The following PRKN variants were observed in gnomAD, a reference collection of about 807,000 sequenced individuals.
The protein encoded by PRKN is parkin RBR E3 ubiquitin protein ligase.
In PRKN, 56 loss-of-function variants were observed where a neutral mutation model predicts 59.5. The observed-to-expected ratio is 0.94, with a 90% confidence interval of 0.76 to 1.18. PRKN has a LOEUF of 1.18. PRKN is among the 50% of genes most tolerant of loss of function. The pLI is 0.00. For missense variants in PRKN, 657 were observed against 596.4 expected, an observed-to-expected ratio of 1.10 and a Z score of -1.06; for synonymous variants, 250 against 222.1, an observed-to-expected ratio of 1.13 and a Z score of -1.12.
intron 7 of PRKN, among the ~76,000 whole-genome samples, chr6:161,763,582 G>C (rs909034275): frequency 6.6e-6 from 1 of 152,100 alleles, no homozygotes; most frequent in African/African-American, 2.4e-5. Context: ...TTCTGTCTCT[G>C]TTTCTTGCAC....
intron 2 of PRKN, among the ~76,000 whole-genome samples, chr6:162,433,146 A>G (rs1014276638): frequency 1.3e-5 from 2 of 152,230 alleles, no homozygotes; most frequent in African/African-American, 2.4e-5. Flanking sequence ...TTCTTTGTGA[A>G]TTATTCATCA....
rs1789937852 is a variant in PRKN, at chr6:162,439,333, C to T, written c.171+3977G>A. Among the ~76,000 whole-genome samples, 3 of 120,086 alleles carry T rather than the reference C, an allele frequency of 2.5e-5. No homozygotes were observed. In the South Asian group the frequency reaches 8.5e-4, roughly 34 times the overall value. The allele number at this position is 120,086 out of a possible 152,430, so 78.8% of individuals were successfully genotyped here. A position where few individuals can be genotyped will look rare whatever the true frequency, so the allele number is the denominator to read the frequency against. On this transcript the variant is annotated intron_variant, in intron 2 of 11. Transcript: ENST00000366898. ...TCCCTTCCCTTCCCCCTTCCTTTAC[C>T]CCTCCCTTCTCTCTCTCTCTCTCTC... is the stretch of plus-strand genomic sequence containing the variant.
chr6:162,322,639 C>A (rs1583377335), intron 2 of PRKN, among the ~76,000 whole-genome samples: 1 of 151,942 alleles, frequency 6.6e-6, no homozygotes, highest in Admixed American at 6.5e-5. Context: ...ATATGTTGAC[C>A]ATTGAGCTTT....
rs1790064911 is a variant in PRKN at position 161,458,391 on chromosome 6, A to G, written c.1084-71514T>C. 6.6e-6 allele frequency among the ~76,000 whole-genome samples: 1 copy of G among 152,226 alleles called. No homozygotes were observed. Among genetic ancestry groups the G allele is most frequent in the African/African-American group, 2.4e-5 (1 of 41,472 alleles). Reference sequence around the variant, plus strand: ...GATCGACCATAAGTGCAGCTGATGCAAACCTGGAAGCCGTTATCACAGCTC... The same window carrying G: ...GATCGACCATAAGTGCAGCTGATGCGAACCTGGAAGCCGTTATCACAGCTC... On this transcript the variant is annotated intron_variant, in intron 9 of 11. Coordinates refer to ENST00000366898, the MANE Select transcript of PRKN (RefSeq NM_004562.3). The surrounding 1 kb of genome is among the most constrained non-coding windows in gnomAD (Gnocchi z 6.1).
intron 1 of PRKN, among the ~76,000 whole-genome samples, chr6:162,520,932 T>C (rs1031516437): frequency 3.8e-4 from 58 of 152,214 alleles, no homozygotes; most frequent in African/African-American, 1.3e-3. Flanking sequence ...TAAATTGTTC[T>C]TAACTTCTGA....
chr6:162,089,565 T>C (rs900981110), intron 4 of PRKN, among the ~76,000 whole-genome samples: 4 of 152,172 alleles, frequency 2.6e-5, no homozygotes, highest in Admixed American at 6.5e-5. Flanking sequence ...AGAAAATGTA[T>C]GTCCATATAA....
At chr6:162,041,412 A>G (rs1376806502) in intron 5 of PRKN, among the ~76,000 whole-genome samples, 1 of 152,178 alleles carries the variant, frequency 6.6e-6, no homozygotes, top group East Asian at 1.9e-4. Context: ...TTTAGCCACA[A>G]AGCACTATTT....
At chr6:161,509,986 A>C (rs879539484) in intron 9 of PRKN, among the ~76,000 whole-genome samples, 6 of 152,114 alleles carry the variant, frequency 3.9e-5, no homozygotes, top group African/African-American at 9.7e-5. Flanking sequence ...GTGTGGGCTC[A>C]AAAAGGTGCA....
chr6:162,055,544 G>T (rs151091087), intron 4 of PRKN, among the ~76,000 whole-genome samples: 4,881 of 152,252 alleles, frequency 0.032, 106 homozygotes, highest in Non-Finnish European at 0.049. Context: ...GGCCACGGGA[G>T]GGGCGGAGTA....
At chr6:162,013,438 G>A (rs112310355) in intron 5 of PRKN, among the ~76,000 whole-genome samples, 194 of 151,716 alleles carry the variant, frequency 1.3e-3, no homozygotes, top group African/African-American at 4.5e-3. Flanking sequence ...ATTTCTATGA[G>A]GAGCCCTAGT....
chr6:161,879,843 A>C (rs990408720), intron 6 of PRKN, among the ~76,000 whole-genome samples: 3 of 152,198 alleles, frequency 2.0e-5, no homozygotes, highest in Admixed American at 2.0e-4. Context: ...ACATAATTAC[A>C]GTGTATTTTA....
chr6:162,548,044 T>G (rs1487751732), intron 1 of PRKN, among the ~76,000 whole-genome samples: 1 of 139,178 alleles, frequency 7.2e-6, no homozygotes, highest in Non-Finnish European at 1.6e-5. Flanking sequence ...CCCTACTTCC[T>G]CTCTGAGTTT....
intron 1 of PRKN, among the ~76,000 whole-genome samples, chr6:162,692,283 T>C (rs147115644): frequency 2.7e-3 from 413 of 152,200 alleles, no homozygotes; most frequent in Non-Finnish European, 4.9e-3. Flanking sequence ...GTCTTGAGGT[T>C]TTCAAACCAC....
intron 1 of PRKN, among the ~76,000 whole-genome samples, chr6:162,686,238 T>G (rs1477429077): frequency 6.6e-5 from 10 of 152,092 alleles, no homozygotes; most frequent in Admixed American, 6.6e-4. Flanking sequence ...AGCTGAAAAC[T>G]TAAAGGGTCA....
At chr6:162,650,352 C>T (rs1006147630) in intron 1 of PRKN, among the ~76,000 whole-genome samples, 4 of 151,960 alleles carry the variant, frequency 2.6e-5, no homozygotes, top group African/African-American at 9.7e-5. Flanking sequence ...AATCCCAGCA[C>T]TTTGGGAGGC....
chr6:162,153,808 A>C (rs2187199), intron 4 of PRKN, among the ~76,000 whole-genome samples: 1 of 151,976 alleles, frequency 6.6e-6, no homozygotes, highest in Non-Finnish European at 1.5e-5. Flanking sequence ...AAGCCAATTC[A>C]CCTCTCCCCA....
At chr6:162,303,869 G>A (rs769729539) in intron 2 of PRKN, among the ~76,000 whole-genome samples, 6 of 152,226 alleles carry the variant, frequency 3.9e-5, no homozygotes, top group Admixed American at 6.5e-5. Context: ...GATGGAGGTA[G>A]TGGAGGGCCA....
At chr6:162,664,249 T>G (rs1289368097) in intron 1 of PRKN, among the ~76,000 whole-genome samples, 1 of 152,198 alleles carries the variant, frequency 6.6e-6, no homozygotes, top group Non-Finnish European at 1.5e-5. Context: ...CTGCATAGTA[T>G]TCCATGGTGT....
In PRKN at chr6:161,503,802, G is replaced by A. The variant is rs769429548; in HGVS notation, c.1083+45052C>T. 4.6e-5 allele frequency among the ~76,000 whole-genome samples: 7 copies of A among 152,190 alleles called. No homozygotes were observed. Among genetic ancestry groups the A allele is most frequent in the Non-Finnish European group, 1.0e-4 (7 of 68,034 alleles). ...AAAGTCAGATGTGAGCATTCTTTTAGAATCCACTGTGAGGAAAAGCCTGCT... is the reference window on the plus strand; with the variant it reads ...AAAGTCAGATGTGAGCATTCTTTTAAAATCCACTGTGAGGAAAAGCCTGCT... On this transcript the variant is annotated intron_variant, in intron 9 of 11. Transcript: ENST00000366898. This position sits in a 1 kb window ranked among gnomAD's most constrained non-coding sequence, Gnocchi z 5.1.
Sources: gnomAD v4.1 joint callset for allele counts (sites outside exome capture counted in the v4.1 genomes callset) on GRCh38, gnomAD v4.1.1 for gene constraint, Gnocchi (gnomAD v3.1) non-coding constraint, MANE v1.5 for transcripts, NCBI Gene and HGNC (gene_info 2026-07-23, HGNC 2026-07-21) for gene names.